The following AGBL1 variants were observed in gnomAD, a reference collection of about 807,000 sequenced individuals.
AGBL1 encodes the protein cytosolic carboxypeptidase 4.
Under a neutral mutation model 118.9 loss-of-function variants are expected in AGBL1, and 130 were observed. The observed-to-expected ratio is 1.09, with a 90% CI of 0.95 to 1.26. The LOEUF is 1.26. Among genes scored for constraint, AGBL1 ranks in the 50% most tolerant of loss-of-function variants. AGBL1 has a pLI of 0.00. For synonymous variants in AGBL1, 555 were observed against 478.9 expected, an observed-to-expected ratio of 1.16 and a Z score of -2.08; for missense variants, 1,584 against 1,298.1, an observed-to-expected ratio of 1.22 and a Z score of -3.38.
At chr15:86,808,315 A>G (rs1186864530) in intron 22 of AGBL1, among the ~76,000 whole-genome samples, 2 of 152,144 alleles carry the variant, frequency 1.3e-5, no homozygotes, top group Admixed American at 6.5e-5. Context: ...TTGCATTTGC[A>G]CAAACTTCAG....
chr15:86,684,499 G>C (rs1267196537), intron 22 of AGBL1, among the ~76,000 whole-genome samples: 1 of 124,522 alleles, frequency 8.0e-6, no homozygotes, highest in Non-Finnish European at 1.7e-5. Flanking sequence ...ATTTCTTTTT[G>C]TTTTTGAGAC....
intron 21 of AGBL1, among the ~76,000 whole-genome samples, chr15:86,668,075 C>T (rs1287025090): frequency 6.6e-6 from 1 of 152,100 alleles, no homozygotes; most frequent in Non-Finnish European, 1.5e-5. Context: ...AAACAACCAG[C>T]TCTTGCCTGA....
At position 86,247,670 on chromosome 15, in the gene AGBL1, G is replaced by C. The variant is rs781359756; in HGVS notation, c.527-1G>C. 14 of 1,597,018 alleles carry C rather than the reference G, an allele frequency of 8.8e-6. No individual in the cohort carries two copies. In the East Asian group the frequency reaches 3.2e-4, roughly 36 times the overall value. ...GACCCTGCCTTTCCCTTTGTTTTCAGAGTCGAACGGCCGCAGAGCAGTGAA... is the reference window on the plus strand; with the variant it reads ...GACCCTGCCTTTCCCTTTGTTTTCACAGTCGAACGGCCGCAGAGCAGTGAA... On this transcript the variant is annotated splice_acceptor_variant, in intron 6 of 22. Transcript: ENST00000614907. LOFTEE classifies it high-confidence loss of function.
intron 21 of AGBL1, among the ~76,000 whole-genome samples, chr15:86,585,728 TCA>T (rs776112713): frequency 3.3e-5 from 5 of 152,162 alleles, no homozygotes; most frequent in Non-Finnish European, 7.3e-5. Flanking sequence ...AAAAAATGGT[TCA>T]AGGAGTCCAG....
At chr15:86,124,803 G>C (rs1389692036) in intron 1 of AGBL1, among the ~76,000 whole-genome samples, 1 of 152,130 alleles carries the variant, frequency 6.6e-6, no homozygotes, top group Admixed American at 6.6e-5. Flanking sequence ...AACAGAAGAA[G>C]GTTGTAATGC....
chr15:86,891,805 C>A (rs1034356760), intron 22 of AGBL1, among the ~76,000 whole-genome samples: 5 of 152,112 alleles, frequency 3.3e-5, no homozygotes, highest in Non-Finnish European at 5.9e-5. Context: ...CCATGCACAC[C>A]AAAGCCCAGC....
At chr15:86,632,796 C>A (rs113483243) in intron 21 of AGBL1, among the ~76,000 whole-genome samples, 1 of 45,836 alleles carries the variant, frequency 2.2e-5, no homozygotes, top group Admixed American at 2.8e-4. Context: ...CTTCTGCCAG[C>A]GTAGTTTTGT....
intron 16 of AGBL1, among the ~76,000 whole-genome samples, chr15:86,290,352 T>G (rs1397749433): frequency 6.7e-6 from 1 of 149,750 alleles, no homozygotes; most frequent in Non-Finnish European, 1.5e-5. Context: ...TCTTTTTTTT[T>G]TTTTTTTTCT....
At chr15:86,207,324 AG>A (rs2078011114) in intron 5 of AGBL1, among the ~76,000 whole-genome samples, 1 of 152,188 alleles carries the variant, frequency 6.6e-6, no homozygotes, top group African/African-American at 2.4e-5. Context: ...AACTTTAAAA[AG>A]TAGATTTTTC....
chr15:86,531,912 C>T (rs532217703), intron 19 of AGBL1, among the ~76,000 whole-genome samples: 2 of 149,854 alleles, frequency 1.3e-5, no homozygotes, highest in South Asian at 2.1e-4. Context: ...ATTCAACAAC[C>T]CTTCATGCTA....
intron 22 of AGBL1, among the ~76,000 whole-genome samples, chr15:86,730,960 T>A (rs1248969590): frequency 1.3e-5 from 2 of 152,224 alleles, no homozygotes; most frequent in East Asian, 3.9e-4. Flanking sequence ...CCCGAGTAGC[T>A]GGGATTACAG....
chr15:86,757,415 T>C (rs2077958045), intron 22 of AGBL1, among the ~76,000 whole-genome samples: 1 of 152,116 alleles, frequency 6.6e-6, no homozygotes, highest in Non-Finnish European at 1.5e-5. Context: ...TCCTGTGAAC[T>C]AGAGGAGTGA....
At chr15:86,989,989 G>A (rs769865556) in intron 24 of AGBL1, among the ~76,000 whole-genome samples, 6 of 152,178 alleles carry the variant, frequency 3.9e-5, no homozygotes, top group Non-Finnish European at 8.8e-5. Flanking sequence ...GACCTGACAG[G>A]TTCTAAATAT....
intron 22 of AGBL1, among the ~76,000 whole-genome samples, chr15:86,683,778 A>C (rs2086005039): frequency 6.6e-6 from 1 of 152,196 alleles, no homozygotes; most frequent in South Asian, 2.1e-4. Context: ...CAATTCTAAA[A>C]ATGGAAGGCA....
intron 22 of AGBL1, among the ~76,000 whole-genome samples, chr15:86,744,722 T>G (rs1031189508): frequency 6.6e-6 from 1 of 152,150 alleles, no homozygotes; most frequent in Non-Finnish European, 1.5e-5. Flanking sequence ...GAGACTAATA[T>G]GGGAGAAAAT....
At chr15:86,123,451 G>A (rs1898212938) in intron 1 of AGBL1, among the ~76,000 whole-genome samples, 1 of 152,154 alleles carries the variant, frequency 6.6e-6, no homozygotes. Flanking sequence ...TGTTGGCCAG[G>A]CTGCTCTTGA....
At position 86,096,067 on chromosome 15, in the gene AGBL1, T is replaced by C. The variant is rs573237617; in HGVS notation, c.51+16044T>C. Among the ~76,000 whole-genome samples the C allele has an allele frequency of 3.0e-4, 45 of 152,290 alleles. No homozygotes were observed. In the South Asian group the frequency reaches 9.1e-3, roughly 31 times the overall value. On this transcript the variant is annotated intron_variant, in intron 1 of 22. Transcript: ENST00000614907. Reference sequence around the variant, plus strand: ...CGTAAATTTATACATTAAAATTTTTTTGTTTCTTTTTCTAGAACTGCATGT... The same window carrying C: ...CGTAAATTTATACATTAAAATTTTTCTGTTTCTTTTTCTAGAACTGCATGT...
At chr15:86,238,725 G>A (rs1470926446) in intron 6 of AGBL1, among the ~76,000 whole-genome samples, 2 of 152,344 alleles carry the variant, frequency 1.3e-5, no homozygotes, top group East Asian at 3.9e-4. Context: ...GATAAAGTAT[G>A]TGAGATAGAC....
At position 86,256,998 on chromosome 15, in the gene AGBL1, C is replaced by G; in HGVS notation, c.881C>G (p.Pro294Arg). 6.2e-7 allele frequency: 1 copy of G among 1,613,896 alleles called. No individual in the cohort carries two copies. Among genetic ancestry groups the G allele is most frequent in the Non-Finnish European group, 8.5e-7 (1 of 1,179,830 alleles). The part of the protein sequence containing the change: ...FPVPGCITTE[P>R]PHDLPEEDFE... Reference sequence around the variant, plus strand: ...GTCCCCGGGTGCATCACCACTGAACCTCCACATGATCTACCTGAAGGTAAA... The same window carrying G: ...GTCCCCGGGTGCATCACCACTGAACGTCCACATGATCTACCTGAAGGTAAA... Residue 294 changes from proline to arginine, a missense_variant, in exon 8 of 23, where the codon CCT becomes CGT. Physicochemically the swap from Pro to Arg is moderately radical, Grantham distance 103 (BLOSUM62 -2). Transcript: ENST00000614907.
Sources: allele counts gnomAD v4.1 joint callset (sites outside exome capture counted in the v4.1 genomes callset), GRCh38; gene constraint gnomAD v4.1.1; transcripts MANE v1.5; gene names NCBI Gene and HGNC (gene_info 2026-07-23, HGNC 2026-07-21).